Variants in CAMK2B observed in about 807,000 individuals in gnomAD.
CAMK2B encodes calcium/calmodulin dependent protein kinase II beta.
Under a neutral mutation model 93.7 loss-of-function variants are expected in CAMK2B, and 27 were observed. The ratio of observed to expected loss-of-function variants is 0.29; its 90% CI spans 0.21 to 0.40. The LOEUF is 0.40. CAMK2B is among the 10% of genes least tolerant of loss of function. The pLI is 1.00. For synonymous variants in CAMK2B, 374 were observed against 358.8 expected, an observed-to-expected ratio of 1.04 and a Z score of -0.48; for missense variants, 568 against 895.8, an observed-to-expected ratio of 0.63 and a Z score of 4.67.
chr7:44,240,826 G>T, intron 11 of CAMK2B, 77 bp from the exon 12 acceptor site: 1 of 1,458,250 alleles, frequency 6.9e-7, no homozygotes, highest in Non-Finnish European at 9.5e-7. Context: ...TAAGACCCCT[G>T]TCCTCCTGCC....
chr7:44,248,436 T>G lies in CAMK2B; in HGVS notation c.342-1244A>C, dbSNP rs1277652703. 2.0e-5 allele frequency among the ~76,000 whole-genome samples: 3 copies of G among 151,798 alleles called. No individual in the cohort carries two copies. The highest frequency in any genetic ancestry group is 1.3e-4 in the Admixed American group (2 of 15,242). On this transcript the variant is annotated intron_variant, in intron 5 of 23. Transcript: ENST00000395749. This position sits in a 1 kb window ranked among gnomAD's most constrained non-coding sequence, Gnocchi z 4.1. Reference sequence around the variant, plus strand: ...ACACAAGCCCTTCCCCAGGGACAGCTCCACAATGCAGGGTGATAGCAGCCA... The same window carrying G: ...ACACAAGCCCTTCCCCAGGGACAGCGCCACAATGCAGGGTGATAGCAGCCA...
At chr7:44,280,246 T>C (rs186571505) in intron 2 of CAMK2B, among the ~76,000 whole-genome samples, 169 of 152,318 alleles carry the variant, frequency 1.1e-3, no homozygotes, top group African/African-American at 3.7e-3. Context: ...AAGGAGAGGC[T>C]GGCAGCACTG....
rs912971660 is a variant in CAMK2B at position 44,225,402 on chromosome 7, G to A, written c.1597+1114C>T. Among the ~76,000 whole-genome samples, 7 of 152,126 alleles carry A rather than the reference G, an allele frequency of 4.6e-5. No homozygotes were observed. The highest frequency in any genetic ancestry group is 6.8e-3 in the Middle Eastern group (2 of 294). ...CAGCTGCACGGCGGCCCCTCCCCAT[G>A]CCTCCCTCCTTGAGTTCTGGTCGCC... On this transcript the variant is annotated intron_variant, in intron 20 of 23. Coordinates refer to ENST00000395749, the MANE Select transcript of CAMK2B (RefSeq NM_001220.5). This position sits in a 1 kb window ranked among gnomAD's most constrained non-coding sequence, Gnocchi z 5.0.
intron 6 of CAMK2B, among the ~76,000 whole-genome samples, chr7:44,245,816 T>A (rs970563260): frequency 3.3e-5 from 5 of 152,208 alleles, no homozygotes; most frequent in African/African-American, 1.2e-4. Flanking sequence ...GTGACCCCCA[T>A]TCAGCATGAA....
rs1165294881 is a variant in CAMK2B, at chr7:44,232,868, T to A, written c.1132-2A>T. On this transcript the variant is annotated splice_acceptor_variant, in intron 15 of 23. Coordinates refer to ENST00000395749, the MANE Select transcript of CAMK2B (RefSeq NM_001220.5). LOFTEE classifies it high-confidence loss of function. ...ATGGATGACGGTGGTTTGAGGCTCCTACAGAAGAAGGAAGACACAGAGGAA... is the reference window on the plus strand; with the variant it reads ...ATGGATGACGGTGGTTTGAGGCTCCAACAGAAGAAGGAAGACACAGAGGAA... The A allele has an allele frequency of 6.2e-7, 1 of 1,613,336 alleles. No homozygotes were observed. The highest frequency in any genetic ancestry group is 1.3e-5 in the African/African-American group (1 of 74,806).
At chr7:44,229,357 C>A (rs1261398509) in intron 18 of CAMK2B, 31 bp downstream of exon 18, 7 of 1,437,936 alleles carry the variant, frequency 4.9e-6, no homozygotes, top group Middle Eastern at 1.8e-4. Context: ...TCCAACATGA[C>A]CCCCACAGCA....
At position 44,306,368 on chromosome 7, in the gene CAMK2B, C is replaced by T. The variant is rs181830974; in HGVS notation, c.65+18989G>A. Among the ~76,000 whole-genome samples the T allele has an allele frequency of 4.2e-4, 64 of 152,362 alleles. 1 individual carries two copies. The highest frequency in any genetic ancestry group is 1.4e-3 in the African/African-American group (60 of 41,584). ...TCCGTTCTCTCAGGTGAACCATATC[C>T]TCCAGAAATCTTCAGCAACAAATGT... On this transcript the variant is annotated intron_variant, in intron 1 of 23. Coordinates refer to ENST00000395749, the MANE Select transcript of CAMK2B (RefSeq NM_001220.5).
At chr7:44,230,732 A>G (rs2096571216) in intron 17 of CAMK2B, among the ~76,000 whole-genome samples, 1 of 152,200 alleles carries the variant, frequency 6.6e-6, no homozygotes, top group Non-Finnish European at 1.5e-5. Flanking sequence ...CCTGGTGTGG[A>G]GAACCTGCCT....
chr7:44,278,937 C>T (rs1002353286), intron 2 of CAMK2B, among the ~76,000 whole-genome samples: 13 of 152,170 alleles, frequency 8.5e-5, no homozygotes, highest in African/African-American at 3.1e-4. Flanking sequence ...GCGGGGCCCC[C>T]GGGGTGTGAA....
intron 20 of CAMK2B, among the ~76,000 whole-genome samples, chr7:44,222,430 G>A (rs564485690): frequency 1.3e-5 from 2 of 152,142 alleles, no homozygotes; most frequent in Non-Finnish European, 2.9e-5. Context: ...TAAATTCCCA[G>A]AGGAGGGAAT....
chr7:44,235,957 C>T lies in CAMK2B; in HGVS notation c.1022-1281G>A, dbSNP rs563964067. Among the ~76,000 whole-genome samples the T allele has an allele frequency of 6.6e-5, 10 of 152,136 alleles. No homozygotes were observed. In the South Asian group the frequency reaches 1.7e-3, roughly 25 times the overall value. The stretch of plus-strand genomic sequence containing the variant: ...GGCACGTTTCAACCTAGGACTGCAG[C>T]GCTTCTCAAATGGGATCCTCCCCCA... On this transcript the variant is annotated intron_variant, in intron 13 of 23. Coordinates refer to ENST00000395749, the MANE Select transcript of CAMK2B (RefSeq NM_001220.5).
intron 20 of CAMK2B, among the ~76,000 whole-genome samples, chr7:44,223,613 G>A (rs1273649910): frequency 1.3e-5 from 2 of 148,878 alleles, no homozygotes; most frequent in Non-Finnish European, 3.0e-5. Flanking sequence ...CAGCTGCTAT[G>A]TTCCTGCCTC....
intron 5 of CAMK2B, among the ~76,000 whole-genome samples, chr7:44,250,643 C>T (rs1429322610): frequency 1.3e-5 from 2 of 151,822 alleles, no homozygotes; most frequent in Non-Finnish European, 2.9e-5. Flanking sequence ...GATTCTCCTG[C>T]CTCAACCTCC....
chr7:44,272,379 G>T (rs1045186661), intron 2 of CAMK2B, among the ~76,000 whole-genome samples: 1 of 152,174 alleles, frequency 6.6e-6, no homozygotes, highest in South Asian at 2.1e-4. Context: ...ACCTCTTGGG[G>T]TCCCAAGTGA....
chr7:44,266,117 T>C (rs1044072642), intron 2 of CAMK2B, among the ~76,000 whole-genome samples: 2 of 152,208 alleles, frequency 1.3e-5, no homozygotes, highest in East Asian at 3.8e-4. Context: ...GACAAGGATG[T>C]TTCATAAAAT....
rs1408614185 is a variant in CAMK2B at position 44,239,674 on chromosome 7, C to A, written c.947-11G>T. On this transcript the variant is annotated splice_polypyrimidine_tract_variant and intron_variant, in intron 12 of 23. Coordinates refer to ENST00000395749, the MANE Select transcript of CAMK2B (RefSeq NM_001220.5). The stretch of plus-strand genomic sequence containing the variant: ...TGGTCTGTCTGCCCACTGTTAGCAC[C>A]GGGTTAGAGACGAGGGGAAGGGAGG... 9.5e-7 allele frequency: 1 copy of A among 1,056,614 alleles called. No homozygotes were observed. Among genetic ancestry groups the A allele is most frequent in the African/African-American group, 1.7e-5 (1 of 58,368 alleles). The allele number at this position is 1,056,614 out of a possible 1,614,324, so 65.5% of individuals were successfully genotyped here.
chr7:44,217,987 G>A lies in CAMK2B; in HGVS notation c.*1538C>T, dbSNP rs1033087305. ...TCGAACCCAGGCAGCCGACGCTCAG[G>A]AGCACAGGGCTAGACCCTGCCCTCC... On this transcript the variant is annotated 3_prime_UTR_variant, in exon 24 of 24. Transcript: ENST00000395749. 1 of 152,408 alleles carries A rather than the reference G, an allele frequency of 6.6e-6. No individual in the cohort carries two copies. The highest frequency in any genetic ancestry group is 1.5e-5 in the Non-Finnish European group (1 of 68,262). 9.4% of individuals were successfully genotyped at this position (152,408 alleles called of 1,614,324 possible).
chr7:44,263,492 C>T (rs1220045238), intron 2 of CAMK2B, among the ~76,000 whole-genome samples: 2 of 152,116 alleles, frequency 1.3e-5, no homozygotes, highest in South Asian at 4.1e-4. Flanking sequence ...CCCCAGAGCC[C>T]GGCTGGCAGG....
At chr7:44,275,626 T>C (rs1474234308) in intron 2 of CAMK2B, among the ~76,000 whole-genome samples, 2 of 152,254 alleles carry the variant, frequency 1.3e-5, no homozygotes, top group African/African-American at 4.8e-5. Context: ...AATTTTTAGT[T>C]TAAGTAAGTG....
Sources: gnomAD v4.1 joint callset for allele counts (sites outside exome capture counted in the v4.1 genomes callset) on GRCh38, gnomAD v4.1.1 for gene constraint, Gnocchi (gnomAD v3.1) non-coding constraint, MANE v1.5 for transcripts, NCBI Gene and HGNC (gene_info 2026-07-23, HGNC 2026-07-21) for gene names.